MEGF11: variants seen among roughly 807,000 people sequenced by gnomAD.
MEGF11 encodes the protein multiple EGF like domains 11, also known as multiple epidermal growth factor-like domains protein 11.
Under a neutral mutation model 146.6 loss-of-function variants are expected in MEGF11, and 126 were observed. That is an observed-to-expected ratio of 0.86 (90% CI 0.74 to 1.00). The LOEUF is 1.00. MEGF11 is among the 50% of genes least tolerant of loss of function. The probability of loss-of-function intolerance (pLI) is 0.00; values close to 1 mark genes in which losing one functional copy is unlikely to be tolerated. For synonymous variants in MEGF11, 532 were observed against 583.4 expected (o/e 0.91, Z 1.27); for missense variants, 1,509 against 1,521.2 (o/e 0.99, Z 0.13).
At chr15:66,103,188 T>C (rs1016659362) in intron 4 of MEGF11, among the ~76,000 whole-genome samples, 2 of 152,182 alleles carry the variant, frequency 1.3e-5, no homozygotes, top group Non-Finnish European at 2.9e-5. Context: ...GCTGCAGCCA[T>C]ATCCCATCAG....
intron 1 of MEGF11, among the ~76,000 whole-genome samples, chr15:66,189,361 T>A (rs945260365): frequency 6.6e-6 from 1 of 152,124 alleles, no homozygotes; most frequent in African/African-American, 2.4e-5. Context: ...ACATAACGAA[T>A]GTGGGTATCA....
At chr15:66,150,647 A>AG (rs1269465462) in intron 1 of MEGF11, among the ~76,000 whole-genome samples, 18 of 152,078 alleles carry the variant, frequency 1.2e-4, no homozygotes, top group Non-Finnish European at 1.5e-4. Flanking sequence ...GAAGGAAGGA[A>AG]GAAAGGAAGG....
At chr15:66,028,058 C>T (rs985785914) in intron 5 of MEGF11, among the ~76,000 whole-genome samples, 9 of 152,188 alleles carry the variant, frequency 5.9e-5, no homozygotes, top group Non-Finnish European at 1.3e-4. Flanking sequence ...CCACCAGCTT[C>T]CTCCCAGAGT....
At chr15:66,103,376 C>T (rs1414856697) in intron 4 of MEGF11, among the ~76,000 whole-genome samples, 2 of 152,196 alleles carry the variant, frequency 1.3e-5, no homozygotes, top group Non-Finnish European at 2.9e-5. Flanking sequence ...CCTGTGTGAC[C>T]TTGGGCAAGT....
At chr15:66,194,368 G>A (rs2090955902) in intron 1 of MEGF11, among the ~76,000 whole-genome samples, 3 of 152,142 alleles carry the variant, frequency 2.0e-5, no homozygotes, top group Non-Finnish European at 4.4e-5. Flanking sequence ...CAGCACTTTG[G>A]GAGGCTGAGG....
At chr15:65,915,735 CATT>C in intron 18 of MEGF11, 137 bp from the exon 19 acceptor site, 1 of 1,128,262 alleles carries the variant, frequency 8.9e-7, no homozygotes, top group African/African-American at 1.6e-5. Flanking sequence ...TGTTGAGGAG[CATT>C]TATAGCACTG....
intron 5 of MEGF11, among the ~76,000 whole-genome samples, chr15:66,091,886 G>T (rs962619895): frequency 2.6e-5 from 4 of 152,222 alleles, no homozygotes; most frequent in Non-Finnish European, 5.9e-5. Context: ...GCTTGGAGAA[G>T]AAACACTTGG....
At chr15:66,028,585 T>C (rs1286067072) in intron 5 of MEGF11, among the ~76,000 whole-genome samples, 2 of 152,170 alleles carry the variant, frequency 1.3e-5, no homozygotes, top group African/African-American at 2.4e-5. Context: ...TAACAATTAT[T>C]TATATGCATG....
At chr15:65,983,427 A>T (rs1486596953) in intron 5 of MEGF11, among the ~76,000 whole-genome samples, 1 of 152,154 alleles carries the variant, frequency 6.6e-6, no homozygotes, top group East Asian at 1.9e-4. Context: ...ACACACAATA[A>T]CAAGATGTCC....
chr15:66,149,718 G>T (rs997630066), intron 1 of MEGF11, among the ~76,000 whole-genome samples: 1 of 152,242 alleles, frequency 6.6e-6, no homozygotes, highest in Non-Finnish European at 1.5e-5. Flanking sequence ...GAGGGAGGGA[G>T]CCTGGCCCAC....
chr15:65,994,134 A>C (rs1195321828), intron 5 of MEGF11, among the ~76,000 whole-genome samples: 3 of 152,140 alleles, frequency 2.0e-5, no homozygotes, highest in African/African-American at 7.2e-5. Context: ...GGTGTGCAAA[A>C]ACCTAATTTC....
intron 4 of MEGF11, among the ~76,000 whole-genome samples, chr15:66,110,527 G>A (rs757732062): frequency 6.6e-6 from 1 of 152,144 alleles, no homozygotes; most frequent in Non-Finnish European, 1.5e-5. Flanking sequence ...TTCTGTGATG[G>A]CATCTCTCCC....
chr15:66,222,677 G>T (rs538434548), intron 1 of MEGF11, among the ~76,000 whole-genome samples: 2 of 152,310 alleles, frequency 1.3e-5, no homozygotes, highest in East Asian at 3.9e-4. Flanking sequence ...AATGAGCAAA[G>T]GATCTGAATA....
chr15:65,928,358 A>G (rs750145935), intron 13 of MEGF11, 67 bp downstream of exon 13: 17 of 1,074,142 alleles, frequency 1.6e-5, no homozygotes, highest in Non-Finnish European at 2.3e-5. Flanking sequence ...AAAACGGTCA[A>G]GAGAAGTAGG....
chr15:66,062,359 T>C (rs2084940515), intron 5 of MEGF11, among the ~76,000 whole-genome samples: 1 of 152,234 alleles, frequency 6.6e-6, no homozygotes, highest in Non-Finnish European at 1.5e-5. Flanking sequence ...AAGACTTTTG[T>C]CCCTTACTAG....
At chr15:65,940,842 G>A (rs2079965821) in intron 10 of MEGF11, among the ~76,000 whole-genome samples, 1 of 152,222 alleles carries the variant, frequency 6.6e-6, no homozygotes. Flanking sequence ...TCTCACTTAT[G>A]TCTATCAAAA....
At chr15:66,021,784 C>T (rs2083143941) in intron 5 of MEGF11, among the ~76,000 whole-genome samples, 1 of 152,168 alleles carries the variant, frequency 6.6e-6, no homozygotes, top group Non-Finnish European at 1.5e-5. Context: ...GGGAGGGGAG[C>T]CGAGAGAGCA....
chr15:65,992,460 G>GGT lies in MEGF11; in HGVS notation c.395-9974_395-9973dup, dbSNP rs745510058. Among the ~76,000 whole-genome samples, 1,275 of 143,332 alleles carry GGT rather than the reference G, an allele frequency of 8.9e-3. 22 individuals carry two copies. Among genetic ancestry groups the GGT allele is most frequent in the Non-Finnish European group, 0.013 (829 of 65,232 alleles). 94.0% of individuals were successfully genotyped at this position (143,332 alleles called of 152,430 possible). ...CTCTGTGTGTGTGTGTGGGGGGGGGGGTTAGTCACATCCTGAGGCACTATC... is the reference window on the plus strand; with the variant it reads ...CTCTGTGTGTGTGTGTGGGGGGGGGGGTGTTAGTCACATCCTGAGGCACTATC... On this transcript the variant is annotated intron_variant, in intron 5 of 25. Transcript: ENST00000395614.
chr15:66,039,802 TGGGG>T (rs2083882993), intron 5 of MEGF11, among the ~76,000 whole-genome samples: 1 of 102,884 alleles, frequency 9.7e-6, no homozygotes, highest in African/African-American at 4.0e-5. Context: ...CAGGCGGCGG[TGGGG>T]TGACGGTCCT....
Sources: allele counts gnomAD v4.1 joint callset (sites outside exome capture counted in the v4.1 genomes callset), GRCh38; gene constraint gnomAD v4.1.1; transcripts MANE v1.5; gene names NCBI Gene and HGNC (gene_info 2026-07-23, HGNC 2026-07-21).